The following PPP1R1C variants were observed in gnomAD, a reference collection of about 807,000 sequenced individuals.
The protein encoded by PPP1R1C is protein phosphatase 1 regulatory inhibitor subunit 1C, also known as protein phosphatase 1 regulatory subunit 1C.
In PPP1R1C, 15 loss-of-function variants were observed where a neutral mutation model predicts 17.4. The observed-to-expected ratio is 0.86, with a 90% CI of 0.58 to 1.33. The LOEUF (loss-of-function observed/expected upper bound fraction) is 1.33. Among genes scored for constraint, PPP1R1C ranks in the 40% most tolerant of loss-of-function variants. The pLI, the probability that PPP1R1C is intolerant of heterozygous loss-of-function variation, is 0.00. For synonymous variants in PPP1R1C, 35 were observed against 43.1 expected (o/e 0.81, Z 0.73); for missense variants, 143 against 130.0 (o/e 1.10, Z -0.48).
rs1684917921 is a variant in PPP1R1C at position 181,967,111 on chromosome 2, A to G, written n.112-8108A>G. 6.6e-6 allele frequency among the ~76,000 whole-genome samples: 1 copy of G among 152,076 alleles called. No homozygotes were observed. Among genetic ancestry groups the G allele is most frequent in the Non-Finnish European group, 1.5e-5 (1 of 68,002 alleles). On this transcript the variant is annotated intron_variant and non_coding_transcript_variant, in intron 1 of 5. Coordinates refer to the PPP1R1C transcript ENST00000464264. The surrounding 1 kb of genome is among the most constrained non-coding windows in gnomAD (Gnocchi z 5.5). ...CATATGGTTGCTCATAGTGGTCTCT[A>G]ATCATCCTTTGAATTTCTGTGTTAT...
intron 2 of PPP1R1C, among the ~76,000 whole-genome samples, chr2:182,032,761 A>G (rs147807378): frequency 3.2e-4 from 48 of 152,270 alleles, no homozygotes; most frequent in African/African-American, 1.1e-3. Flanking sequence ...TAATTCCACT[A>G]CCTATTATGA....
In PPP1R1C at chr2:181,976,491, A is replaced by G. The variant is rs560867654; in HGVS notation, n.157+1227A>G. On this transcript the variant is annotated intron_variant and non_coding_transcript_variant, in intron 2 of 5. Transcript: ENST00000464264. This position sits in a 1 kb window ranked among gnomAD's most constrained non-coding sequence, Gnocchi z 4.8. ...GTTATTTATTCATTTATTTATTTAT[A>G]TCGTTGAGTAAGAGGATCATACCTA... 6.6e-6 allele frequency among the ~76,000 whole-genome samples: 1 copy of G among 152,304 alleles called. No individual in the cohort carries two copies. Among genetic ancestry groups the G allele is most frequent in the African/African-American group, 2.4e-5 (1 of 41,580 alleles).
chr2:182,095,162 G>A (rs1288775568), intron 4 of PPP1R1C, among the ~76,000 whole-genome samples: 1 of 152,060 alleles, frequency 6.6e-6, no homozygotes, highest in African/African-American at 2.4e-5. Flanking sequence ...AGCTGGGTGT[G>A]GTGGCATGGA....
chr2:181,961,706 G>A lies in PPP1R1C; in HGVS notation n.111+7072G>A. ...AGCTCCTCTCAGTTCTTTCGAGTCAGCTCATCATATTGGGCCCGGATATCT... is the reference window on the plus strand; with the variant it reads ...AGCTCCTCTCAGTTCTTTCGAGTCAACTCATCATATTGGGCCCGGATATCT... On this transcript the variant is annotated intron_variant and non_coding_transcript_variant, in intron 1 of 5. Transcript: ENST00000464264. This position sits in a 1 kb window ranked among gnomAD's most constrained non-coding sequence, Gnocchi z 5.8. 2 of 800,932 alleles carry A rather than the reference G, an allele frequency of 2.5e-6. No homozygotes were observed. The highest frequency in any genetic ancestry group is 2.2e-6 in the Non-Finnish European group (1 of 455,746). 49.6% of individuals were successfully genotyped at this position (800,932 alleles called of 1,614,324 possible).
intron 2 of PPP1R1C, among the ~76,000 whole-genome samples, chr2:182,044,468 G>A (rs1482624814): frequency 6.6e-6 from 1 of 152,056 alleles, no homozygotes; most frequent in Non-Finnish European, 1.5e-5. Flanking sequence ...TTCATCTGAT[G>A]AAAATCTTTT....
At chr2:182,021,619 C>G (rs1301363340) in intron 2 of PPP1R1C, among the ~76,000 whole-genome samples, 2 of 151,490 alleles carry the variant, frequency 1.3e-5, no homozygotes, top group Non-Finnish European at 2.9e-5. Flanking sequence ...AGCCTCACGC[C>G]CAGCCAAAAA....
intron 2 of PPP1R1C, among the ~76,000 whole-genome samples, chr2:182,025,959 G>C (rs1317279198): frequency 6.9e-6 from 1 of 144,884 alleles, no homozygotes; most frequent in African/African-American, 2.7e-5. Flanking sequence ...CTGCTGGCCA[G>C]TGATGATGAG....
In PPP1R1C at chr2:181,961,498, T is replaced by G. The variant is rs1430478377; in HGVS notation, n.111+6864T>G. On this transcript the variant is annotated intron_variant and non_coding_transcript_variant, in intron 1 of 5. Transcript: ENST00000464264. The surrounding 1 kb of genome is among the most constrained non-coding windows in gnomAD (Gnocchi z 5.8). ...CTCCATCTGCAGGGTGTAGCGGGCC[T>G]CCACCTCCCTCAGGCTGTTCTCCAA... The G allele has an allele frequency of 5.3e-6, 6 of 1,122,966 alleles. No individual in the cohort carries two copies. Among genetic ancestry groups the G allele is most frequent in the African/African-American group, 3.1e-5 (2 of 65,354 alleles). The allele number at this position is 1,122,966 out of a possible 1,614,324, so 69.6% of individuals were successfully genotyped here.
intron 2 of PPP1R1C, among the ~76,000 whole-genome samples, chr2:182,042,264 A>G (rs1164827902): frequency 6.6e-6 from 1 of 152,250 alleles, no homozygotes; most frequent in Non-Finnish European, 1.5e-5. Context: ...AGGATGTATT[A>G]TTTCATGTCA....
At chr2:182,009,219 G>A (rs1686017537) in intron 2 of PPP1R1C, among the ~76,000 whole-genome samples, 2 of 151,942 alleles carry the variant, frequency 1.3e-5, no homozygotes, top group African/African-American at 4.8e-5. Flanking sequence ...CTTCTCCAAA[G>A]TAGCTGTACA....
intron 2 of PPP1R1C, among the ~76,000 whole-genome samples, chr2:182,026,863 G>T (rs1181701252): frequency 6.7e-6 from 1 of 148,898 alleles, no homozygotes; most frequent in African/African-American, 2.5e-5. Flanking sequence ...TCTTCCATTT[G>T]TTTGTATCCT....
intron 1 of PPP1R1C, among the ~76,000 whole-genome samples, chr2:181,970,512 C>T (rs769246745): frequency 6.6e-6 from 1 of 152,094 alleles, no homozygotes; most frequent in East Asian, 1.9e-4. Flanking sequence ...CTCTCAGTGC[C>T]GAGCTGTGCA....
In PPP1R1C at chr2:182,087,965, A is replaced by T. The variant is rs376340160; in HGVS notation, c.241+24174A>T. ...CGATGGCATTCTAGTGCTGCAAATG[A>T]TGCAATGAAAATGACCTGATCCAAA... On this transcript the variant is annotated intron_variant, in intron 4 of 4. Coordinates refer to ENST00000682840, the MANE Select transcript of PPP1R1C (RefSeq NM_001080545.3). 1.4e-4 allele frequency among the ~76,000 whole-genome samples: 22 copies of T among 152,346 alleles called. No homozygotes were observed. In the East Asian group the frequency reaches 1.7e-3, roughly 12 times the overall value.
chr2:181,960,737 A>ACAGCTGAAATGTTGATGCTGC (rs1684762032), intron 1 of PPP1R1C, among the ~76,000 whole-genome samples: 1 of 152,132 alleles, frequency 6.6e-6, no homozygotes, highest in Non-Finnish European at 1.5e-5. Context: ...GGCAGTGGGG[A>ACAGCTGAAATGTTGATGCTGC]CAGCTGAAAT....
At position 181,987,759 on chromosome 2, in the gene PPP1R1C, A is replaced by G. The variant is rs1017197245; in HGVS notation, c.82-80A>G. The stretch of plus-strand genomic sequence containing the variant: ...TGCATGTGGGGAAAAGATGAGGGTG[A>G]GACAGCTTTGCAAGCTGCAGAGTAA... On this transcript the variant is annotated intron_variant, in intron 1 of 4. Transcript: ENST00000682840. The G allele has an allele frequency of 2.8e-6, 4 of 1,416,610 alleles. No homozygotes were observed. In the Middle Eastern group the frequency reaches 5.3e-4, roughly 187 times the overall value. 87.8% of individuals were successfully genotyped at this position (1,416,610 alleles called of 1,614,324 possible).
intron 1 of PPP1R1C, among the ~76,000 whole-genome samples, chr2:181,958,604 C>A (rs1450042205): frequency 6.6e-6 from 1 of 152,144 alleles, no homozygotes; most frequent in Non-Finnish European, 1.5e-5. Flanking sequence ...ATTACAGCAC[C>A]AGATCAAGAT....
intron 4 of PPP1R1C, among the ~76,000 whole-genome samples, chr2:182,094,732 A>G (rs981632939): frequency 2.6e-5 from 4 of 152,158 alleles, no homozygotes; most frequent in Non-Finnish European, 4.4e-5. Context: ...TGTGTAAAAA[A>G]TCAGACCTTG....
intron 1 of PPP1R1C, among the ~76,000 whole-genome samples, chr2:181,970,871 A>G (rs1344284543): frequency 1.3e-5 from 2 of 152,072 alleles, no homozygotes; most frequent in Admixed American, 1.3e-4. Flanking sequence ...GTTCACGGAG[A>G]GTACTGACTG....
Position 182,046,696 on chromosome 2 carries a change from G to A in PPP1R1C, c.143-14746G>A, listed in dbSNP as rs562639932. On this transcript the variant is annotated intron_variant, in intron 2 of 4. Transcript: ENST00000682840. Reference sequence around the variant, plus strand: ...GGAGGTTGCAGTGAGCCGAGATTGCGCCACTGCATTCCAGCCTGGCAACAG... The same window carrying A: ...GGAGGTTGCAGTGAGCCGAGATTGCACCACTGCATTCCAGCCTGGCAACAG... Among the ~76,000 whole-genome samples, 57 of 150,512 alleles carry A rather than the reference G, an allele frequency of 3.8e-4. No homozygotes were observed. The Middle Eastern group carries it at 0.017, about 45-fold the overall frequency.
Sources: gnomAD v4.1 joint callset for allele counts (sites outside exome capture counted in the v4.1 genomes callset) on GRCh38, gnomAD v4.1.1 for gene constraint, Gnocchi (gnomAD v3.1) non-coding constraint, MANE v1.5 for transcripts, NCBI Gene and HGNC (gene_info 2026-07-23, HGNC 2026-07-21) for gene names.